AGMO: variants seen among roughly 807,000 people sequenced by gnomAD.
AGMO encodes alkylglycerol monooxygenase, also known as glyceryl-ether monooxygenase.
Under a neutral mutation model 60.2 loss-of-function variants are expected in AGMO, and 75 were observed. The observed-to-expected ratio is 1.25, with a 90% CI of 1.03 to 1.51. The LOEUF (loss-of-function observed/expected upper bound fraction) is 1.51, where lower values mean the gene tolerates loss of function less well. Among genes scored for constraint, AGMO ranks in the 40% most tolerant of loss-of-function variants. The probability of loss-of-function intolerance (pLI) is 0.00; values close to 1 mark genes in which losing one functional copy is unlikely to be tolerated. For missense variants in AGMO, 763 were observed against 525.5 expected (o/e 1.45, Z -4.42); for synonymous variants, 261 against 177.1 (o/e 1.47, Z -3.76).
chr7:15,333,470 C>T lies in AGMO; in HGVS notation c.1263+32044G>A, dbSNP rs139346558. Among the ~76,000 whole-genome samples the T allele has an allele frequency of 7.4e-3, 1,123 of 151,652 alleles. 9 individuals are homozygous for T. Among genetic ancestry groups the T allele is most frequent in the African/African-American group, 0.021 (869 of 41,400 alleles). ...CCACATTAACAAGGGATTTAGAGTC[C>T]TTATGTTTCTTTTGAACTTGGTAGT... On this transcript the variant is annotated intron_variant, in intron 12 of 12. Coordinates refer to ENST00000342526, the MANE Select transcript of AGMO (RefSeq NM_001004320.2).
intron 3 of AGMO, among the ~76,000 whole-genome samples, chr7:15,494,196 G>A (rs1783158890): frequency 6.6e-6 from 1 of 151,996 alleles, no homozygotes; most frequent in African/African-American, 2.4e-5. Context: ...AACAAGAAAG[G>A]GGCTTTCCGC....
chr7:15,289,566 C>T (rs904810509), intron 12 of AGMO, among the ~76,000 whole-genome samples: 1 of 151,950 alleles, frequency 6.6e-6, no homozygotes. Flanking sequence ...GGTCTAATTG[C>T]ATAAGCAGTT....
chr7:15,279,290 G>A (rs895722644), intron 12 of AGMO, among the ~76,000 whole-genome samples: 1 of 152,020 alleles, frequency 6.6e-6, no homozygotes, highest in African/African-American at 2.4e-5. Flanking sequence ...CAGGCTGCCT[G>A]GCTTCACTCT....
At chr7:15,141,535 G>C in the AGMO span, among the ~76,000 whole-genome samples, 2 of 152,144 alleles carry the variant, frequency 1.3e-5, no homozygotes, top group African/African-American at 4.8e-5. Context: ...GCAGTGAGCA[G>C]TGATCGTGCC....
chr7:15,161,943 C>T, the AGMO span, among the ~76,000 whole-genome samples: 7 of 152,012 alleles, frequency 4.6e-5, no homozygotes, highest in African/African-American at 1.4e-4. Context: ...GGATATGATT[C>T]GTCTCAGTGT....
At chr7:15,537,395 C>G (rs557509573) in intron 3 of AGMO, among the ~76,000 whole-genome samples, 358 of 152,180 alleles carry the variant, frequency 2.4e-3, no homozygotes, top group Non-Finnish European at 4.2e-3. Flanking sequence ...GAGTTAAATA[C>G]ATTACGTTCT....
chr7:15,218,327 ATGTGTGTGTGTGTGTGTGTG>A (rs138890087), intron 12 of AGMO, among the ~76,000 whole-genome samples: 32 of 144,020 alleles, frequency 2.2e-4, no homozygotes, highest in Admixed American at 1.1e-3. Flanking sequence ...TGGTGTGTGT[ATGTGTGTGTGTGTGTGTGTG>A]TGTGTGTGTG....
intron 9 of AGMO, among the ~76,000 whole-genome samples, chr7:15,386,566 C>T (rs1425154135): frequency 6.6e-6 from 1 of 152,128 alleles, no homozygotes; most frequent in Non-Finnish European, 1.5e-5. Flanking sequence ...AAACTTATTC[C>T]TAGCGGCGTT....
chr7:15,415,413 C>T (rs1442153998), intron 5 of AGMO, among the ~76,000 whole-genome samples: 5 of 151,622 alleles, frequency 3.3e-5, no homozygotes, highest in Non-Finnish European at 4.4e-5. Context: ...CATGGTGGTG[C>T]GTGCCTGTAG....
At chr7:15,305,057 G>C (rs1308633750) in intron 12 of AGMO, among the ~76,000 whole-genome samples, 1 of 151,704 alleles carries the variant, frequency 6.6e-6, no homozygotes, top group Non-Finnish European at 1.5e-5. Flanking sequence ...AGTTATATTT[G>C]AAATATATAA....
the AGMO span, among the ~76,000 whole-genome samples, chr7:15,182,054 A>T: frequency 6.6e-6 from 1 of 152,216 alleles, no homozygotes; most frequent in African/African-American, 2.4e-5. Flanking sequence ...ATTCTGATAC[A>T]TCAGTAAATC....
At chr7:15,188,771 G>GCGTT in the AGMO span, among the ~76,000 whole-genome samples, 2 of 33,912 alleles carry the variant, frequency 5.9e-5, no homozygotes, top group Non-Finnish European at 1.0e-4. Context: ...CAAAGACAGT[G>GCGTT]TGGTTAGTGT....
chr7:15,389,096 G>C (rs757456064), intron 8 of AGMO, among the ~76,000 whole-genome samples: 1 of 152,074 alleles, frequency 6.6e-6, no homozygotes, highest in Non-Finnish European at 1.5e-5. Context: ...GTTTTCCTCA[G>C]CAAGACTGTA....
chr7:15,524,484 A>G (rs1324274195), intron 3 of AGMO, among the ~76,000 whole-genome samples: 1 of 151,762 alleles, frequency 6.6e-6, no homozygotes, highest in Non-Finnish European at 1.5e-5. Flanking sequence ...TTGACAACTA[A>G]TTAAATTTTT....
intron 3 of AGMO, among the ~76,000 whole-genome samples, chr7:15,449,130 T>C (rs10276620): frequency 0.63 from 95,592 of 151,904 alleles, 30,760 homozygotes; most frequent in Non-Finnish European, 0.7. Flanking sequence ...AGCAACACCT[T>C]CATACAAAAA....
intron 3 of AGMO, among the ~76,000 whole-genome samples, chr7:15,499,763 T>C (rs1042621120): frequency 1.6e-4 from 24 of 151,750 alleles, no homozygotes; most frequent in African/African-American, 5.3e-4. Flanking sequence ...CTGAATAAAT[T>C]ATGATATACC....
chr7:15,331,393 G>A (rs1327800449), intron 12 of AGMO, among the ~76,000 whole-genome samples: 2 of 152,102 alleles, frequency 1.3e-5, no homozygotes, highest in Admixed American at 6.6e-5. Context: ...TTGAAATGTT[G>A]TGAGAATAAA....
the AGMO span, among the ~76,000 whole-genome samples, chr7:15,119,394 C>T: frequency 6.6e-6 from 1 of 151,984 alleles, no homozygotes; most frequent in African/African-American, 2.4e-5. Flanking sequence ...TTCTTTATAC[C>T]AGTTTAATAC....
At chr7:15,472,539 T>C (rs1414367371) in intron 3 of AGMO, among the ~76,000 whole-genome samples, 2 of 151,902 alleles carry the variant, frequency 1.3e-5, no homozygotes, top group African/African-American at 2.4e-5. Context: ...CTCAACTTTA[T>C]ACATGAAAAG....
Sources: allele counts gnomAD v4.1 joint callset (sites outside exome capture counted in the v4.1 genomes callset), GRCh38; gene constraint gnomAD v4.1.1; transcripts MANE v1.5; gene names NCBI Gene and HGNC (gene_info 2026-07-23, HGNC 2026-07-21).